Variants in CFTR observed in about 807,000 individuals in gnomAD.
CFTR encodes CF transmembrane conductance regulator, also known as cystic fibrosis transmembrane conductance regulator.
Under a neutral mutation model 171.6 loss-of-function variants are expected in CFTR, and 181 were observed. That is an observed-to-expected ratio of 1.05 (90% CI 0.93 to 1.19). The LOEUF is 1.19. CFTR is among the 50% of genes most tolerant of loss of function. The pLI is 0.00. For missense variants in CFTR, 1,968 were observed against 1,734.7 expected (o/e 1.13, Z -2.39); for synonymous variants, 583 against 608.0 (o/e 0.96, Z 0.60).
intron 3 of CFTR, among the ~76,000 whole-genome samples, chr7:117,523,319 T>C (rs1447665056): frequency 1.3e-5 from 2 of 152,066 alleles, no homozygotes; most frequent in Non-Finnish European, 2.9e-5. Context: ...GAATAGCCCT[T>C]GCACTCCAGC....
In CFTR at chr7:117,590,357, G is replaced by A. The variant is rs1800097; in HGVS notation, c.1684G>A (p.Val562Ile). 269 of 1,602,534 alleles carry A rather than the reference G, an allele frequency of 1.7e-4. No individual in the cohort carries two copies. Among genetic ancestry groups the A allele is most frequent in the Middle Eastern group, 1.0e-3 (6 of 5,976 alleles). ...QRARISLARA[V>I]YKDADLYLLD... Reference sequence around the variant, plus strand: ...TAATTTCCATTTTCTTTTTAGAGCAGTATACAAAGATGCTGATTTGTATTT... The same window carrying A: ...TAATTTCCATTTTCTTTTTAGAGCAATATACAAAGATGCTGATTTGTATTT... The change falls in exon 13 of 27, where the codon GTA (valine) becomes ATA (isoleucine). Residue 562 changes from valine (V) to isoleucine (I), a missense_variant. Val to Ile is a conservative substitution (Grantham distance 29). Transcript: ENST00000003084.
chr7:117,502,936 A>C (rs1798355392), intron 1 of CFTR, among the ~76,000 whole-genome samples: 1 of 152,200 alleles, frequency 6.6e-6, no homozygotes, highest in Non-Finnish European at 1.5e-5. Flanking sequence ...GTTAAGTTTT[A>C]ATGAAGGACA....
chr7:117,626,383 A>G (rs1381007253), intron 21 of CFTR, among the ~76,000 whole-genome samples: 1 of 152,134 alleles, frequency 6.6e-6, no homozygotes, highest in Non-Finnish European at 1.5e-5. Context: ...TTTTTTTCCA[A>G]AAAGAATAAT....
At chr7:117,487,895 G>A (rs1398685349) in intron 1 of CFTR, 3 of 152,150 alleles carry the variant, frequency 2.0e-5, no homozygotes, top group Admixed American at 6.6e-5. Context: ...TCCAGCATTG[G>A]TTATGGGTGT....
chr7:117,604,191 A>T (rs1002243053), intron 17 of CFTR, among the ~76,000 whole-genome samples: 1 of 152,160 alleles, frequency 6.6e-6, no homozygotes, highest in Non-Finnish European at 1.5e-5. Flanking sequence ...AAGTCTTTTG[A>T]TGGGGTAGAA....
At chr7:117,505,211 G>A (rs1285429770) in intron 2 of CFTR, among the ~76,000 whole-genome samples, 1 of 152,124 alleles carries the variant, frequency 6.6e-6, no homozygotes, top group Non-Finnish European at 1.5e-5. Context: ...GAATGATGGA[G>A]CCATGATTCC....
In CFTR at chr7:117,592,553, C is replaced by T; in HGVS notation, c.2386C>T (p.Leu796=). The T allele has an allele frequency of 6.6e-7, 1 of 1,520,886 alleles. No homozygotes were observed. The highest frequency in any genetic ancestry group is 8.8e-7 in the Non-Finnish European group (1 of 1,137,184). 94.2% of individuals were successfully genotyped at this position (1,520,886 alleles called of 1,614,324 possible). Reference sequence around the variant, plus strand: ...AACAGCATCCACACGAAAAGTGTCACTGGCCCCTCAGGCAAACTTGACTGA... The same window carrying T: ...AACAGCATCCACACGAAAAGTGTCATTGGCCCCTCAGGCAAACTTGACTGA... ...KTTASTRKVS[L]APQANLTELD... is the part of the protein sequence containing the mutation. The change falls in exon 14 of 27, where the codon CTG becomes TTG. Residue 796 remains leucine (L), a synonymous_variant. Transcript: ENST00000003084.
At chr7:117,659,291 C>G (rs1039929781) in intron 24 of CFTR, among the ~76,000 whole-genome samples, 2 of 152,192 alleles carry the variant, frequency 1.3e-5, no homozygotes, top group Non-Finnish European at 2.9e-5. Context: ...TAGCATTTCT[C>G]ACTCTGGCTG....
At chr7:117,575,732 A>G (rs891857723) in intron 11 of CFTR, among the ~76,000 whole-genome samples, 5 of 152,074 alleles carry the variant, frequency 3.3e-5, no homozygotes, top group African/African-American at 7.2e-5. Flanking sequence ...TTGAATTTAC[A>G]TTGAGGTCTC....
chr7:117,545,343 A>G (rs1799122539), intron 9 of CFTR, among the ~76,000 whole-genome samples: 1 of 152,172 alleles, frequency 6.6e-6, no homozygotes, highest in Admixed American at 6.5e-5. Flanking sequence ...GTGAGGACAT[A>G]GCCAAACCAT....
At chr7:117,489,897 C>G (rs1010426900) in intron 1 of CFTR, among the ~76,000 whole-genome samples, 3 of 151,906 alleles carry the variant, frequency 2.0e-5, no homozygotes, top group African/African-American at 7.3e-5. Context: ...TGAAATATTT[C>G]TAGAGAACAC....
chr7:117,613,997 A>ATGTTT (rs1468130932), intron 20 of CFTR, among the ~76,000 whole-genome samples: 1 of 132,028 alleles, frequency 7.6e-6, no homozygotes, highest in African/African-American at 3.0e-5. Flanking sequence ...AGGTACAGTA[A>ATGTTT]TCTTTTTTTT....
intron 3 of CFTR, among the ~76,000 whole-genome samples, chr7:117,513,698 C>T (rs1217243278): frequency 6.6e-6 from 1 of 152,212 alleles, no homozygotes; most frequent in Non-Finnish European, 1.5e-5. Flanking sequence ...ATGTATATCT[C>T]TTCCTGTGAT....
intron 13 of CFTR, among the ~76,000 whole-genome samples, chr7:117,590,811 A>T (rs745888632): frequency 6.6e-6 from 1 of 152,054 alleles, no homozygotes; most frequent in Admixed American, 6.6e-5. Flanking sequence ...CTCCTTAGAT[A>T]GTAACCTTCT....
intron 21 of CFTR, among the ~76,000 whole-genome samples, chr7:117,625,971 T>C (rs1792643233): frequency 6.6e-6 from 1 of 152,192 alleles, no homozygotes; most frequent in South Asian, 2.1e-4. Context: ...CAATCATGAC[T>C]ATATGCCTTT....
At chr7:117,518,148 T>A (rs562931892) in intron 3 of CFTR, among the ~76,000 whole-genome samples, 16 of 151,802 alleles carry the variant, frequency 1.1e-4, no homozygotes, top group African/African-American at 3.6e-4. Context: ...ATGTAGTTGG[T>A]GCAAAAGTAA....
Position 117,667,432 on chromosome 7 carries a change from A to AATC in CFTR, c.*326_*328dup. ...AATTGGAAAGGCAGCTCTAAATGTCAATCAGCCTAGTTGATCAGCTTATTG... is the reference window on the plus strand; with the variant it reads ...AATTGGAAAGGCAGCTCTAAATGTCAATCATCAGCCTAGTTGATCAGCTTATTG... On this transcript the variant is annotated 3_prime_UTR_variant, in exon 27 of 27. Transcript: ENST00000003084. 1 of 374,410 alleles carries AATC rather than the reference A, an allele frequency of 2.7e-6. No homozygotes were observed. The highest frequency in any genetic ancestry group is 9.3e-4 in the Middle Eastern group (1 of 1,080). 23.2% of individuals were successfully genotyped at this position (374,410 alleles called of 1,614,324 possible).
At chr7:117,491,213 T>C (rs1453600304) in intron 1 of CFTR, among the ~76,000 whole-genome samples, 5 of 151,950 alleles carry the variant, frequency 3.3e-5, no homozygotes, top group Admixed American at 3.3e-4. Context: ...ACAGAAAAGG[T>C]GCACTAAAAA....
intron 1 of CFTR, among the ~76,000 whole-genome samples, chr7:117,486,592 A>C (rs560083078): frequency 6.6e-6 from 1 of 152,148 alleles, no homozygotes; most frequent in East Asian, 1.9e-4. Context: ...TGGAGGACTG[A>C]CAGGATAAGT....
Sources: gnomAD v4.1 joint callset for allele counts (sites outside exome capture counted in the v4.1 genomes callset) on GRCh38, gnomAD v4.1.1 for gene constraint, MANE v1.5 for transcripts, NCBI Gene and HGNC (gene_info 2026-07-23, HGNC 2026-07-21) for gene names.